Variants in TMEM131L observed in about 807,000 individuals in gnomAD.
The protein encoded by TMEM131L is transmembrane protein 131-like.
TMEM131L carries 54 observed loss-of-function variants against 192.2 expected under a neutral mutation model. That is an observed-to-expected ratio of 0.28 (90% CI 0.23 to 0.35). The LOEUF is 0.35. TMEM131L is among the 10% of genes least tolerant of loss of function. The pLI is 1.00. For missense variants in TMEM131L, 1,888 were observed against 1,972.9 expected (o/e 0.96, Z 0.82); for synonymous variants, 701 against 704.9 (o/e 0.99, Z 0.09).
intron 7 of TMEM131L, among the ~76,000 whole-genome samples, chr4:153,567,306 A>G (rs1307427447): frequency 1.3e-5 from 2 of 152,236 alleles, no homozygotes; most frequent in Non-Finnish European, 2.9e-5. Context: ...GTTAAATGGA[A>G]TAAACAGTAT....
Position 153,582,420 on chromosome 4 carries a change from GTTTTTTTTTGTTGTTTTTTTTT to G in TMEM131L, c.893-760_893-739del, listed in dbSNP as rs1171496584. Among the ~76,000 whole-genome samples, 39 of 81,830 alleles carry G rather than the reference GTTTTTTTTTGTTGTTTTTTTTT, an allele frequency of 4.8e-4. 2 individuals are homozygous for G. Among genetic ancestry groups the G allele is most frequent in the Middle Eastern group, 8.8e-3 (1 of 114 alleles). 53.7% of individuals were successfully genotyped at this position (81,830 alleles called of 152,430 possible). ...CCACTATGCCTGGCTAATTTAAACCGTTTTTTTTTGTTGTTTTTTTTTTTTTTTTTTTTTTTTTTGTAGAGAC... is the reference window on the plus strand; with the variant it reads ...CCACTATGCCTGGCTAATTTAAACCGTTTTTTTTTTTTTTTTTGTAGAGAC... On this transcript the variant is annotated intron_variant, in intron 9 of 34. Transcript: ENST00000409959.
At chr4:153,540,254 A>T (rs747765537) in intron 3 of TMEM131L, among the ~76,000 whole-genome samples, 1 of 152,120 alleles carries the variant, frequency 6.6e-6, no homozygotes. Flanking sequence ...CTAGAAATTA[A>T]TTATCTTTTG....
At chr4:153,487,831 C>A (rs1488153534) in intron 3 of TMEM131L, among the ~76,000 whole-genome samples, 1 of 149,054 alleles carries the variant, frequency 6.7e-6, no homozygotes, top group Non-Finnish European at 1.5e-5. Flanking sequence ...CCCTTGTGGG[C>A]CTGTGGCTGA....
At position 153,568,855 on chromosome 4, in the gene TMEM131L, G is replaced by A. The variant is rs541154225; in HGVS notation, c.660+10487G>A. Among the ~76,000 whole-genome samples the A allele has an allele frequency of 9.2e-5, 14 of 152,258 alleles. 1 individual carries two copies. In the South Asian group the frequency reaches 2.9e-3, roughly 32 times the overall value. ...AATCTGGAGTTAGAGAACTAAAACC[G>A]GCTTTGTATTACTGATAAGACATAT... is the stretch of plus-strand genomic sequence containing the variant. On this transcript the variant is annotated intron_variant, in intron 7 of 34. Coordinates refer to ENST00000409959, the MANE Select transcript of TMEM131L (RefSeq NM_001131007.2).
chr4:153,484,378 G>A (rs920608123), intron 3 of TMEM131L, among the ~76,000 whole-genome samples: 3 of 152,064 alleles, frequency 2.0e-5, no homozygotes, highest in African/African-American at 7.2e-5. Context: ...AAAAAGTCTT[G>A]TTTGCTTATT....
At chr4:153,500,983 T>TA (rs902481436) in intron 3 of TMEM131L, among the ~76,000 whole-genome samples, 17 of 151,410 alleles carry the variant, frequency 1.1e-4, no homozygotes, top group African/African-American at 3.6e-4. Context: ...ATAATAGAGT[T>TA]AAAAAAAAAT....
At chr4:153,584,365 A>G (rs1009502303) in intron 11 of TMEM131L, among the ~76,000 whole-genome samples, 4 of 152,192 alleles carry the variant, frequency 2.6e-5, no homozygotes, top group South Asian at 2.1e-4. Context: ...TAAAAACCAT[A>G]TATATAACTT....
intron 20 of TMEM131L, 72 bp downstream of exon 20, chr4:153,596,457 G>A (rs1731448349): frequency 6.4e-7 from 1 of 1,560,222 alleles, no homozygotes; most frequent in Admixed American, 1.7e-5. Flanking sequence ...TTAGCTGATA[G>A]TTGACGTTCA....
chr4:153,586,452 T>G, intron 14 of TMEM131L, 73 bp downstream of exon 14: 4 of 1,129,868 alleles, frequency 3.5e-6, no homozygotes, highest in Non-Finnish European at 4.9e-6. Flanking sequence ...CTTTAGTGCT[T>G]GAGTTTTATT....
chr4:153,494,847 G>A (rs1733050752), intron 3 of TMEM131L, among the ~76,000 whole-genome samples: 1 of 152,206 alleles, frequency 6.6e-6, no homozygotes, highest in South Asian at 2.1e-4. Context: ...GGATATTTTA[G>A]ACATTTGCTC....
chr4:153,574,135 C>T (rs1230849006), intron 7 of TMEM131L, among the ~76,000 whole-genome samples: 3 of 152,154 alleles, frequency 2.0e-5, no homozygotes, highest in African/African-American at 4.8e-5. Flanking sequence ...CTTGGCCACA[C>T]TGCCTTTTCT....
intron 7 of TMEM131L, 158 bp downstream of exon 7, chr4:153,558,526 G>T: frequency 2.2e-6 from 1 of 459,200 alleles, no homozygotes. Flanking sequence ...TCTTTTTAAT[G>T]GCTGTGGAGT....
chr4:153,476,119 C>T (rs761414936), intron 3 of TMEM131L, among the ~76,000 whole-genome samples: 15 of 152,002 alleles, frequency 9.9e-5, no homozygotes, highest in African/African-American at 9.7e-5. Context: ...CAATCACGCC[C>T]GGCTAATTTT....
intron 3 of TMEM131L, among the ~76,000 whole-genome samples, chr4:153,481,204 A>G (rs762284321): frequency 1.3e-5 from 2 of 152,092 alleles, no homozygotes; most frequent in Non-Finnish European, 2.9e-5. Flanking sequence ...CCTGCTTTCC[A>G]TAGCACCCTG....
At chr4:153,474,799 G>A (rs1241308877) in intron 3 of TMEM131L, among the ~76,000 whole-genome samples, 5 of 152,030 alleles carry the variant, frequency 3.3e-5, no homozygotes, top group Non-Finnish European at 5.9e-5. Context: ...CAAGTGATCC[G>A]CCCGACTTCG....
chr4:153,587,798 A>G lies in TMEM131L; in HGVS notation c.1539A>G (p.Gly513=), dbSNP rs1730798507. The change falls in exon 15 of 35, where the codon GGA becomes GGG. Residue 513 remains glycine, a synonymous_variant. Coordinates refer to ENST00000409959, the MANE Select transcript of TMEM131L (RefSeq NM_001131007.2). ...ATTGTGGCATGCATTATTTCATGGGAAAATCAAAAGCAGGTAAGTATTTTG... is the reference window on the plus strand; with the variant it reads ...ATTGTGGCATGCATTATTTCATGGGGAAATCAAAAGCAGGTAAGTATTTTG... The part of the protein sequence containing the change: ...IAHCGMHYFM[G]KSKAGNPNWN... The G allele has an allele frequency of 6.2e-7, 1 of 1,612,738 alleles. No homozygotes were observed. Among genetic ancestry groups the G allele is most frequent in the African/African-American group, 1.3e-5 (1 of 74,884 alleles).
At chr4:153,529,779 T>A (rs1160766947) in intron 3 of TMEM131L, among the ~76,000 whole-genome samples, 2 of 152,228 alleles carry the variant, frequency 1.3e-5, no homozygotes, top group Admixed American at 1.3e-4. Context: ...CCCCTTCACA[T>A]AACCTGTGGG....
intron 3 of TMEM131L, among the ~76,000 whole-genome samples, chr4:153,481,433 A>G (rs1731930669): frequency 6.6e-6 from 1 of 152,178 alleles, no homozygotes; most frequent in South Asian, 2.1e-4. Flanking sequence ...TTTTACATTG[A>G]TTACTTGTTA....
chr4:153,540,838 G>T (rs1450495591), intron 3 of TMEM131L, among the ~76,000 whole-genome samples: 1 of 152,182 alleles, frequency 6.6e-6, no homozygotes, highest in Admixed American at 6.5e-5. Flanking sequence ...GTCCACCCAT[G>T]ATCAAAGAGG....
Sources: gnomAD v4.1 joint callset for allele counts (sites outside exome capture counted in the v4.1 genomes callset) on GRCh38, gnomAD v4.1.1 for gene constraint, MANE v1.5 for transcripts, NCBI Gene and HGNC (gene_info 2026-07-23, HGNC 2026-07-21) for gene names.